Variants in SBF2 observed in about 807,000 individuals in gnomAD.
SBF2 encodes the protein myotubularin-related protein 13.
SBF2 carries 112 observed loss-of-function variants against 225.2 expected under a neutral mutation model. That is an observed-to-expected ratio of 0.50 (90% confidence interval 0.43 to 0.58). The LOEUF (loss-of-function observed/expected upper bound fraction) is 0.58. Ranked by LOEUF, SBF2 falls within the 20% of genes least tolerant of loss-of-function variation. The pLI, the probability that SBF2 is intolerant of heterozygous loss-of-function variation, is 0.00. For synonymous variants in SBF2, 763 were observed against 773.3 expected (o/e 0.99, Z 0.22); for missense variants, 1,996 against 2,206.2 (o/e 0.90, Z 1.91).
chr11:9,781,112 A>G (rs561075439), intron 39 of SBF2, among the ~76,000 whole-genome samples: 1 of 152,360 alleles, frequency 6.6e-6, no homozygotes, highest in East Asian at 1.9e-4. Flanking sequence ...TGAAGATGTT[A>G]GCGTAGACAC....
chr11:9,924,703 A>G (rs1271118789), intron 16 of SBF2, among the ~76,000 whole-genome samples: 1 of 152,154 alleles, frequency 6.6e-6, no homozygotes, highest in Non-Finnish European at 1.5e-5. Context: ...AAGTGCTGGG[A>G]TTACAGGCGT....
Position 9,801,788 on chromosome 11 carries a change from A to G in SBF2, c.4444-5831T>C, listed in dbSNP as rs541409913. The stretch of plus-strand genomic sequence containing the variant: ...GCAGACAGCAGAAACTCTTGAATAT[A>G]CCAACAATCCATTAGCTACAGCTAT... On this transcript the variant is annotated intron_variant, in intron 32 of 39. Coordinates refer to ENST00000256190, the MANE Select transcript of SBF2 (RefSeq NM_030962.4). Among the ~76,000 whole-genome samples the G allele has an allele frequency of 1.2e-4, 19 of 152,356 alleles. No individual in the cohort carries two copies. The South Asian group carries it at 1.9e-3, about 15-fold the overall frequency.
chr11:9,961,843 A>C, intron 16 of SBF2, 114 bp downstream of exon 16: 1 of 869,792 alleles, frequency 1.1e-6, no homozygotes, highest in Non-Finnish European at 1.8e-6. Context: ...CTGACGCTTC[A>C]TCCTATTAGC....
At chr11:10,040,437 T>C (rs556783888) in intron 3 of SBF2, among the ~76,000 whole-genome samples, 6 of 151,860 alleles carry the variant, frequency 4.0e-5, no homozygotes, top group Admixed American at 6.6e-5. Context: ...GGGTGAGAAG[T>C]TACATTATTT....
intron 30 of SBF2, 137 bp downstream of exon 30, chr11:9,812,395 C>T: frequency 1.1e-6 from 1 of 910,216 alleles, no homozygotes; most frequent in South Asian, 1.5e-5. Context: ...AAGGCCTTTA[C>T]TGATGGCACA....
At chr11:10,291,720 A>T (rs1160726280) in intron 1 of SBF2, among the ~76,000 whole-genome samples, 1 of 152,014 alleles carries the variant, frequency 6.6e-6, no homozygotes, top group Non-Finnish European at 1.5e-5. Flanking sequence ...GATGTCAATA[A>T]ATGATTAAGA....
intron 1 of SBF2, among the ~76,000 whole-genome samples, chr11:10,247,074 C>T (rs1673201117): frequency 6.6e-6 from 1 of 152,090 alleles, no homozygotes; most frequent in Admixed American, 6.6e-5. Context: ...AAATAAGACC[C>T]TGTCTTTAAA....
rs924722847 is a variant in SBF2 at position 9,785,836 on chromosome 11, A to G, written c.5038-518T>C. Among the ~76,000 whole-genome samples, 5 of 151,632 alleles carry G rather than the reference A, an allele frequency of 3.3e-5. No homozygotes were observed. In the East Asian group the frequency reaches 9.8e-4, roughly 30 times the overall value. On this transcript the variant is annotated intron_variant, in intron 36 of 39. Coordinates refer to ENST00000256190, the MANE Select transcript of SBF2 (RefSeq NM_030962.4). ...CACTGCACTCCAGCCTAGGTGACAG[A>G]GTGAGACACTATCTCAAAAAAAATA...
At chr11:10,146,667 A>G (rs1360496687) in intron 2 of SBF2, among the ~76,000 whole-genome samples, 1 of 152,230 alleles carries the variant, frequency 6.6e-6, no homozygotes, top group African/African-American at 2.4e-5. Context: ...GAACTGGCAA[A>G]GAGTTCATGA....
intron 1 of SBF2, among the ~76,000 whole-genome samples, chr11:10,197,995 C>T (rs72861755): frequency 0.051 from 7,819 of 152,236 alleles, 304 homozygotes; most frequent in Middle Eastern, 0.14. Flanking sequence ...CCACTAAAGT[C>T]TTGAACCCCT....
At chr11:10,128,400 A>T (rs1746947588) in intron 2 of SBF2, among the ~76,000 whole-genome samples, 1 of 152,244 alleles carries the variant, frequency 6.6e-6, no homozygotes, top group African/African-American at 2.4e-5. Context: ...TCAAACTCAG[A>T]TGCTTACATT....
intron 2 of SBF2, among the ~76,000 whole-genome samples, chr11:10,088,548 C>T (rs1010757153): frequency 2.0e-5 from 3 of 152,080 alleles, no homozygotes; most frequent in East Asian, 3.8e-4. Flanking sequence ...GCTGCTTCTA[C>T]CCAAGGTAGG....
At chr11:10,029,726 G>A (rs189837285) in intron 5 of SBF2, 39 bp downstream of exon 5, 107 of 1,221,290 alleles carry the variant, frequency 8.8e-5, no homozygotes, top group Admixed American at 4.7e-4. Flanking sequence ...GAGGGGAAGA[G>A]GAACAATCCT....
intron 16 of SBF2, among the ~76,000 whole-genome samples, chr11:9,948,251 G>T (rs72855655): frequency 0.1 from 15,912 of 151,896 alleles, 895 homozygotes; most frequent in Middle Eastern, 0.2. Context: ...TGGTTGCCAG[G>T]AGCTGGGGGC....
At chr11:10,019,364 G>T (rs999033633) in intron 6 of SBF2, among the ~76,000 whole-genome samples, 7 of 152,152 alleles carry the variant, frequency 4.6e-5, no homozygotes, top group Admixed American at 3.9e-4. Context: ...CCCAGAGTGG[G>T]CTAGCAAGGA....
chr11:9,852,596 T>A, intron 21 of SBF2, 80 bp downstream of exon 21: 1 of 1,023,778 alleles, frequency 9.8e-7, no homozygotes, highest in Non-Finnish European at 1.6e-6. Context: ...TAGGTGAACA[T>A]CCTTTCCTGG....
At chr11:10,188,494 TA>T (rs1315256496) in intron 2 of SBF2, among the ~76,000 whole-genome samples, 1 of 152,172 alleles carries the variant, frequency 6.6e-6, no homozygotes, top group Admixed American at 6.5e-5. Flanking sequence ...AAACTTTGTC[TA>T]AAGTGGTTCT....
chr11:9,952,940 A>G (rs1865943465), intron 16 of SBF2, among the ~76,000 whole-genome samples: 2 of 152,236 alleles, frequency 1.3e-5, no homozygotes, highest in South Asian at 4.1e-4. Flanking sequence ...GTGGGAATGT[A>G]AACCAGTACA....
intron 6 of SBF2, among the ~76,000 whole-genome samples, chr11:10,018,934 CTA>C (rs150304745): frequency 6.6e-6 from 1 of 152,302 alleles, no homozygotes; most frequent in African/African-American, 2.4e-5. Flanking sequence ...TCATAATTTC[CTA>C]TAATGCTAAA....
Sources: gnomAD v4.1 joint callset for allele counts (sites outside exome capture counted in the v4.1 genomes callset) on GRCh38, gnomAD v4.1.1 for gene constraint, MANE v1.5 for transcripts, NCBI Gene and HGNC (gene_info 2026-07-23, HGNC 2026-07-21) for gene names.